The following AGAP1 variants were observed in gnomAD, a reference collection of about 807,000 sequenced individuals.
The protein encoded by AGAP1 is arf-GAP with GTPase, ANK repeat and PH domain-containing protein 1.
AGAP1 carries 29 observed loss-of-function variants against 105.3 expected under a neutral mutation model. The observed-to-expected ratio is 0.28, with a 90% CI of 0.21 to 0.38. The LOEUF is 0.38. Among genes scored for constraint, AGAP1 ranks in the 10% least tolerant of loss-of-function variants. The probability of loss-of-function intolerance (pLI) is 1.00; values close to 1 mark genes in which losing one functional copy is unlikely to be tolerated. For missense variants in AGAP1, 998 were observed against 1,165.1 expected (o/e 0.86, Z 2.09); for synonymous variants, 509 against 485.9 (o/e 1.05, Z -0.63).
chr2:235,751,733 C>T lies in AGAP1; in HGVS notation c.673+1245C>T, dbSNP rs1172819197. 6.6e-6 allele frequency among the ~76,000 whole-genome samples: 1 copy of T among 152,206 alleles called. No homozygotes were observed. The highest frequency in any genetic ancestry group is 2.4e-5 in the African/African-American group (1 of 41,462). ...TGCCGTCTCTTCCCGCGCATCTCTGCCTCTCAGATACTTACCTGTTTTTCA... is the reference window on the plus strand; with the variant it reads ...TGCCGTCTCTTCCCGCGCATCTCTGTCTCTCAGATACTTACCTGTTTTTCA... On this transcript the variant is annotated intron_variant, in intron 6 of 17. Coordinates refer to ENST00000304032, the MANE Select transcript of AGAP1 (RefSeq NM_001037131.3). The surrounding 1 kb of genome is among the most constrained non-coding windows in gnomAD (Gnocchi z 5.3).
In AGAP1 at chr2:235,609,348, A is replaced by G. The variant is rs1255988857; in HGVS notation, c.164-99831A>G. Among the ~76,000 whole-genome samples the G allele has an allele frequency of 3.3e-5, 5 of 152,162 alleles. No individual in the cohort carries two copies. The highest frequency in any genetic ancestry group is 7.3e-5 in the Non-Finnish European group (5 of 68,036). On this transcript the variant is annotated intron_variant, in intron 1 of 17. Transcript: ENST00000304032. This position sits in a 1 kb window ranked among gnomAD's most constrained non-coding sequence, Gnocchi z 5.1. ...GTCCCTGTTAAAATGGCCAGAGGAC[A>G]TGGGGACATGGGGCAGGGAGAGCTT...
intron 6 of AGAP1, among the ~76,000 whole-genome samples, chr2:235,757,862 A>G (rs940829782): frequency 6.6e-6 from 1 of 152,214 alleles, no homozygotes; most frequent in African/African-American, 2.4e-5. Flanking sequence ...TATGTTAATG[A>G]GTCCGTTTGT....
At chr2:235,727,393 C>G (rs971307390) in intron 3 of AGAP1, among the ~76,000 whole-genome samples, 1 of 152,082 alleles carries the variant, frequency 6.6e-6, no homozygotes, top group Non-Finnish European at 1.5e-5. Context: ...TCACAGATCA[C>G]GTTACACCCA....
At chr2:235,916,710 C>T (rs373512200) in intron 11 of AGAP1, among the ~76,000 whole-genome samples, 4 of 152,322 alleles carry the variant, frequency 2.6e-5, no homozygotes, top group South Asian at 2.1e-4. Flanking sequence ...TTGGCCGATG[C>T]TGACTTCACA....
chr2:235,545,428 A>G (rs1346576348), intron 1 of AGAP1, among the ~76,000 whole-genome samples: 4 of 152,138 alleles, frequency 2.6e-5, no homozygotes, highest in Non-Finnish European at 4.4e-5. Context: ...CCTTACTTAG[A>G]GGTTTACTTA....
chr2:235,709,151 T>C (rs945836950), intron 1 of AGAP1, 28 bp from the exon 2 acceptor site: 13 of 1,613,188 alleles, frequency 8.1e-6, no homozygotes, highest in Non-Finnish European at 9.3e-6. Flanking sequence ...AGTTATGGTG[T>C]CTGACTTTGT....
intron 16 of AGAP1, among the ~76,000 whole-genome samples, chr2:236,098,957 C>T (rs1301756555): frequency 4.0e-5 from 6 of 151,750 alleles, no homozygotes; most frequent in South Asian, 2.1e-4. Flanking sequence ...CATCCTAGTG[C>T]GTAAGGACTA....
intron 1 of AGAP1, among the ~76,000 whole-genome samples, chr2:235,497,035 A>G (rs1256553058): frequency 6.6e-6 from 1 of 152,242 alleles, no homozygotes; most frequent in African/African-American, 2.4e-5. Context: ...TTCTTCTGTT[A>G]TCAATAATGA....
chr2:235,521,742 A>ATGTGTGTGTG (rs59090836), intron 1 of AGAP1, among the ~76,000 whole-genome samples: 17 of 121,608 alleles, frequency 1.4e-4, no homozygotes, highest in East Asian at 1.1e-3. Context: ...TGTTATATAT[A>ATGTGTGTGTG]TGTGTGTGTG....
rs2051422530 is a variant in AGAP1, at chr2:235,908,652, T to C, written c.1156-86T>C. ...GGAAGGGTCATAGGGTTTTAACTCA[T>C]GACGTCTGATAGACCCTTTTGTTCT... is the stretch of plus-strand genomic sequence containing the variant. On this transcript the variant is annotated intron_variant, in intron 10 of 17. Coordinates refer to ENST00000304032, the MANE Select transcript of AGAP1 (RefSeq NM_001037131.3). The surrounding 1 kb of genome is among the most constrained non-coding windows in gnomAD (Gnocchi z 4.4). The C allele has an allele frequency of 1.5e-6, 2 of 1,313,198 alleles. No homozygotes were observed. The highest frequency in any genetic ancestry group is 2.1e-6 in the Non-Finnish European group (2 of 956,404). The allele number at this position is 1,313,198 out of a possible 1,614,324, so 81.3% of individuals were successfully genotyped here.
Position 235,886,381 on chromosome 2 carries a change from A to G in AGAP1, c.1155+2932A>G, listed in dbSNP as rs1329455395. Among the ~76,000 whole-genome samples the G allele has an allele frequency of 2.0e-5, 3 of 152,246 alleles. No individual in the cohort carries two copies. In the East Asian group the frequency reaches 5.8e-4, roughly 29 times the overall value. The stretch of plus-strand genomic sequence containing the variant: ...GAAGGGATGTTTGCTGCTTCTTGCC[A>G]AGGGGCAGATATGGTAACAACGATA... On this transcript the variant is annotated intron_variant, in intron 10 of 17. Transcript: ENST00000304032.
At chr2:236,019,064 A>G (rs1372245911) in intron 13 of AGAP1, among the ~76,000 whole-genome samples, 1 of 152,238 alleles carries the variant, frequency 6.6e-6, no homozygotes, top group Non-Finnish European at 1.5e-5. Flanking sequence ...GAGCAGGCCT[A>G]ACTTGTTGGC....
At chr2:236,047,269 G>A (rs1409770534) in intron 15 of AGAP1, among the ~76,000 whole-genome samples, 1 of 152,110 alleles carries the variant, frequency 6.6e-6, no homozygotes, top group African/African-American at 2.4e-5. Context: ...TAGAGGCCTG[G>A]TTGTCAGTGA....
rs1157290515 is a variant in AGAP1 at position 235,660,737 on chromosome 2, A to G, written c.164-48442A>G. ...GTTTAGATGGGGAATCTTGGGATGC[A>G]ATAGAAACAACCTCTGTTGGTTTTC... On this transcript the variant is annotated intron_variant, in intron 1 of 17. Transcript: ENST00000304032. The surrounding 1 kb of genome is among the most constrained non-coding windows in gnomAD (Gnocchi z 5.3). Among the ~76,000 whole-genome samples the G allele has an allele frequency of 6.6e-6, 1 of 152,176 alleles. No homozygotes were observed. The highest frequency in any genetic ancestry group is 1.5e-5 in the Non-Finnish European group (1 of 68,034).
rs2058970716 is a variant in AGAP1 at position 236,087,818 on chromosome 2, T to G, written c.2115-32374T>G. 6.6e-6 allele frequency among the ~76,000 whole-genome samples: 1 copy of G among 152,218 alleles called. No individual in the cohort carries two copies. Among genetic ancestry groups the G allele is most frequent in the South Asian group, 2.1e-4 (1 of 4,826 alleles). On this transcript the variant is annotated intron_variant, in intron 16 of 17. Transcript: ENST00000304032. This position sits in a 1 kb window ranked among gnomAD's most constrained non-coding sequence, Gnocchi z 5.7. ...TATTTAATATCACAAGGCTTTTGAA[T>G]GGGCTATGGGGAGGAATAGACCAGA...
chr2:235,799,869 G>A lies in AGAP1; in HGVS notation c.957+347G>A, dbSNP rs575530218. On this transcript the variant is annotated intron_variant, in intron 8 of 17. Transcript: ENST00000304032. The surrounding 1 kb of genome is among the most constrained non-coding windows in gnomAD (Gnocchi z 5.0). ...GATTCCCAGATGTGTGTCTCTAACC[G>A]TTCAGATGATATATAAGCTATTACT... 3.7e-4 allele frequency among the ~76,000 whole-genome samples: 57 copies of A among 152,138 alleles called. 2 individuals are homozygous for A. The highest frequency in any genetic ancestry group is 7.9e-4 in the Admixed American group (12 of 15,278).
At position 235,971,014 on chromosome 2, in the gene AGAP1, C is replaced by T. The variant is rs546457217; in HGVS notation, c.1645+2391C>T. Among the ~76,000 whole-genome samples the T allele has an allele frequency of 6.6e-6, 1 of 152,306 alleles. No homozygotes were observed. Among genetic ancestry groups the T allele is most frequent in the African/African-American group, 2.4e-5 (1 of 41,558 alleles). On this transcript the variant is annotated intron_variant, in intron 13 of 17. Transcript: ENST00000304032. The surrounding 1 kb of genome is among the most constrained non-coding windows in gnomAD (Gnocchi z 4.8). ...CATGGAAACTCCAATATTAGGAAAT[C>T]ACAGGTGTCTCAAACATGGATGTGT...
rs750178000 is a variant in AGAP1 at position 235,777,009 on chromosome 2, T to C, written c.674-20750T>C. On this transcript the variant is annotated intron_variant, in intron 6 of 17. Coordinates refer to ENST00000304032, the MANE Select transcript of AGAP1 (RefSeq NM_001037131.3). This position sits in a 1 kb window ranked among gnomAD's most constrained non-coding sequence, Gnocchi z 5.1. ...TGAGTTCCCAGCACGTTTTATCATG[T>C]GAGCGTCTGCTCTTGAGAGGCCAGG... The C allele has an allele frequency of 8.3e-5, 39 of 471,084 alleles. 1 individual carries two copies. The highest frequency in any genetic ancestry group is 6.0e-4 in the South Asian group (39 of 64,576). 29.2% of individuals were successfully genotyped at this position (471,084 alleles called of 1,614,324 possible).
At position 235,882,461 on chromosome 2, in the gene AGAP1, G is replaced by A. The variant is rs2050075313; in HGVS notation, c.1051-884G>A. 5.7e-6 allele frequency: 9 copies of A among 1,581,040 alleles called. No individual in the cohort carries two copies. The highest frequency in any genetic ancestry group is 6.1e-6 in the Non-Finnish European group (7 of 1,154,058). On this transcript the variant is annotated intron_variant, in intron 9 of 17. Coordinates refer to ENST00000304032, the MANE Select transcript of AGAP1 (RefSeq NM_001037131.3). The surrounding 1 kb of genome is among the most constrained non-coding windows in gnomAD (Gnocchi z 4.6). ...TCTTCAGCTTGGCCCTATTGAAGCTGGCGATTCCCCCCACGTCTGGTTTGT... is the reference window on the plus strand; with the variant it reads ...TCTTCAGCTTGGCCCTATTGAAGCTAGCGATTCCCCCCACGTCTGGTTTGT...
Sources: gnomAD v4.1 joint callset for allele counts (sites outside exome capture counted in the v4.1 genomes callset) on GRCh38, gnomAD v4.1.1 for gene constraint, Gnocchi (gnomAD v3.1) non-coding constraint, MANE v1.5 for transcripts, NCBI Gene and HGNC (gene_info 2026-07-23, HGNC 2026-07-21) for gene names.